WNT9A: variants seen among roughly 807,000 people sequenced by gnomAD.
The protein encoded by WNT9A is protein Wnt-9a.
Under a neutral mutation model 31.4 loss-of-function variants are expected in WNT9A, and 8 were observed. The ratio of observed to expected loss-of-function variants is 0.26; its 90% CI spans 0.15 to 0.46. The LOEUF (loss-of-function observed/expected upper bound fraction) is 0.46. WNT9A is among the 20% of genes least tolerant of loss of function. WNT9A has a pLI of 0.99. For missense variants in WNT9A, 457 were observed against 522.9 expected (o/e 0.87, Z 1.23); for synonymous variants, 236 against 220.1 (o/e 1.07, Z -0.64).
At chr1:227,930,760 C>A (rs989050141) in intron 1 of WNT9A, among the ~76,000 whole-genome samples, 1 of 152,134 alleles carries the variant, frequency 6.6e-6, no homozygotes, top group Non-Finnish European at 1.5e-5. Context: ...GTGGCTCACG[C>A]CTGTAATCCC....
chr1:227,938,395 C>T (rs969480598), intron 1 of WNT9A, among the ~76,000 whole-genome samples: 1 of 149,314 alleles, frequency 6.7e-6, no homozygotes, highest in African/African-American at 2.5e-5. Context: ...CCACACAAAC[C>T]CCCTCACACA....
chr1:227,925,568 G>A lies in WNT9A; in HGVS notation c.96-49C>T, dbSNP rs1239932337. ...AGCCCGGCCCCAGGAAGCCCTGCTGGAGCCTGGCCAGGTGTCTCGGTGGCC... is the reference window on the plus strand; with the variant it reads ...AGCCCGGCCCCAGGAAGCCCTGCTGAAGCCTGGCCAGGTGTCTCGGTGGCC... On this transcript the variant is annotated intron_variant, in intron 1 of 3. Coordinates refer to ENST00000272164, the MANE Select transcript of WNT9A (RefSeq NM_003395.4). The surrounding 1 kb of genome is among the most constrained non-coding windows in gnomAD (Gnocchi z 6.0). 16 of 1,457,968 alleles carry A rather than the reference G, an allele frequency of 1.1e-5. No homozygotes were observed. The highest frequency in any genetic ancestry group is 2.8e-5 in the African/African-American group (2 of 70,486). The allele number at this position is 1,457,968 out of a possible 1,614,324, so 90.3% of individuals were successfully genotyped here.
intron 1 of WNT9A, among the ~76,000 whole-genome samples, chr1:227,945,529 C>T (rs1393870013): frequency 6.6e-6 from 1 of 152,224 alleles, no homozygotes; most frequent in Admixed American, 6.5e-5. Context: ...GCCAGCCTCT[C>T]CTCTCCGGGT....
At chr1:227,931,718 A>G (rs1052477017) in intron 1 of WNT9A, among the ~76,000 whole-genome samples, 1 of 152,206 alleles carries the variant, frequency 6.6e-6, no homozygotes, top group Non-Finnish European at 1.5e-5. Context: ...AAAATAATAC[A>G]TATACTTTAG....
At chr1:227,931,793 C>T (rs1300862794) in intron 1 of WNT9A, among the ~76,000 whole-genome samples, 3 of 152,152 alleles carry the variant, frequency 2.0e-5, no homozygotes, top group Admixed American at 6.5e-5. Flanking sequence ...GTCATCTTTT[C>T]GCTGGGGGAG....
At chr1:227,933,658 A>G (rs1666545763) in intron 1 of WNT9A, among the ~76,000 whole-genome samples, 1 of 152,068 alleles carries the variant, frequency 6.6e-6, no homozygotes, top group African/African-American at 2.4e-5. Context: ...AGGGTTATTA[A>G]TTGGTCTAAT....
chr1:227,936,249 T>C (rs910570263), intron 1 of WNT9A, among the ~76,000 whole-genome samples: 10 of 152,106 alleles, frequency 6.6e-5, no homozygotes, highest in African/African-American at 2.4e-4. Flanking sequence ...AGTGCAGTGG[T>C]GCCATCTCAG....
In WNT9A at chr1:227,921,878, C is replaced by G; in HGVS notation, c.738G>C (p.Lys246Asn). The change falls in exon 4 of 4, where the codon AAG (lysine) becomes AAC (asparagine). Residue 246 changes from lysine to asparagine, a missense_variant. Physicochemically the swap from Lys to Asn is moderately conservative, Grantham distance 94 (BLOSUM62 0). Coordinates refer to ENST00000272164, the MANE Select transcript of WNT9A (RefSeq NM_003395.4). The stretch of plus-strand genomic sequence containing the variant: ...TGCCCACCTTGAGTGCCGTCTCATA[C>G]TTGTGCTTCAGATGCTTGCCCACCT... The part of the protein sequence containing the change: ...FHEVGKHLKH[K>N]YETALKVGST... 6.2e-7 allele frequency: 1 copy of G among 1,613,224 alleles called. No individual in the cohort carries two copies. Among genetic ancestry groups the G allele is most frequent in the Non-Finnish European group, 8.5e-7 (1 of 1,179,948 alleles).
At chr1:227,934,981 G>A (rs979353659) in intron 1 of WNT9A, among the ~76,000 whole-genome samples, 2 of 151,428 alleles carry the variant, frequency 1.3e-5, no homozygotes, top group African/African-American at 4.9e-5. Flanking sequence ...ACCACATAGA[G>A]CCTGAGTCAC....
At position 227,921,671 on chromosome 1, in the gene WNT9A, A is replaced by G. The variant is rs1256730015; in HGVS notation, c.945T>C (p.Arg315=). The change falls in exon 4 of 4, where the codon CGT becomes CGC. Residue 315 remains arginine, a synonymous_variant. Coordinates refer to ENST00000272164, the MANE Select transcript of WNT9A (RefSeq NM_003395.4). The part of the protein sequence containing the change: ...SPGTAGRRCH[R]EKNCESICCG... ...AGCAGATGCTCTCGCAGTTCTTCTC[A>G]CGGTGGCACCTACGGCCAGCGGTGC... is the stretch of plus-strand genomic sequence containing the variant. 3.1e-6 allele frequency: 5 copies of G among 1,613,204 alleles called. No homozygotes were observed. The highest frequency in any genetic ancestry group is 4.2e-6 in the Non-Finnish European group (5 of 1,179,952).
At position 227,928,273 on chromosome 1, in the gene WNT9A, C is replaced by T. The variant is rs1666453100; in HGVS notation, c.96-2754G>A. ...CCTCCCCTCTGGCCCCAGGACACCC[C>T]TCTATCAGAGGCAACTCCCTAAACG... On this transcript the variant is annotated intron_variant, in intron 1 of 3. Coordinates refer to ENST00000272164, the MANE Select transcript of WNT9A (RefSeq NM_003395.4). This position sits in a 1 kb window ranked among gnomAD's most constrained non-coding sequence, Gnocchi z 4.5. Among the ~76,000 whole-genome samples, 2 of 151,880 alleles carry T rather than the reference C, an allele frequency of 1.3e-5. No individual in the cohort carries two copies. The highest frequency in any genetic ancestry group is 4.8e-5 in the African/African-American group (2 of 41,374).
In WNT9A at chr1:227,925,215, C is replaced by G. The variant is rs1359478736; in HGVS notation, c.352+48G>C. 6.8e-7 allele frequency: 1 copy of G among 1,479,922 alleles called. No individual in the cohort carries two copies. The highest frequency in any genetic ancestry group is 1.3e-5 in the South Asian group (1 of 74,494). The allele number at this position is 1,479,922 out of a possible 1,614,324, so 91.7% of individuals were successfully genotyped here. A position where few individuals can be genotyped will look rare whatever the true frequency, so the allele number is the denominator to read the frequency against. ...TCTTGGGATATGGACAAGGCCTGGG[C>G]TGCCACCTGTCTGGGGCCTTCCTGA... On this transcript the variant is annotated intron_variant, in intron 2 of 3. Coordinates refer to ENST00000272164, the MANE Select transcript of WNT9A (RefSeq NM_003395.4). The surrounding 1 kb of genome is among the most constrained non-coding windows in gnomAD (Gnocchi z 6.0).
chr1:227,928,434 C>T lies in WNT9A; in HGVS notation c.96-2915G>A, dbSNP rs367656249. 3.9e-4 allele frequency among the ~76,000 whole-genome samples: 59 copies of T among 152,320 alleles called. 1 individual carries two copies. In the South Asian group the frequency reaches 9.1e-3, roughly 23 times the overall value. ...GGGATGGCCTGAGGCCCAAAGGCTACGCCCTTCCCTGGAGTATTCACTGAA... is the reference window on the plus strand; with the variant it reads ...GGGATGGCCTGAGGCCCAAAGGCTATGCCCTTCCCTGGAGTATTCACTGAA... On this transcript the variant is annotated intron_variant, in intron 1 of 3. Transcript: ENST00000272164. The surrounding 1 kb of genome is among the most constrained non-coding windows in gnomAD (Gnocchi z 4.5).
At position 227,928,130 on chromosome 1, in the gene WNT9A, T is replaced by G. The variant is rs1042090352; in HGVS notation, c.96-2611A>C. Reference sequence around the variant, plus strand: ...GTGAGGCCCGAGCACGCCGGGGCACTGAGAGCTGGTTTGACGGTGACTAGC... The same window carrying G: ...GTGAGGCCCGAGCACGCCGGGGCACGGAGAGCTGGTTTGACGGTGACTAGC... On this transcript the variant is annotated intron_variant, in intron 1 of 3. Coordinates refer to ENST00000272164, the MANE Select transcript of WNT9A (RefSeq NM_003395.4). This position sits in a 1 kb window ranked among gnomAD's most constrained non-coding sequence, Gnocchi z 4.5. Among the ~76,000 whole-genome samples, 1 of 152,034 alleles carries G rather than the reference T, an allele frequency of 6.6e-6. No homozygotes were observed. The highest frequency in any genetic ancestry group is 1.5e-5 in the Non-Finnish European group (1 of 68,000).
Position 227,947,861 on chromosome 1 carries a change from G to A in WNT9A, c.27C>T (p.Arg9=). 9.2e-7 allele frequency: 1 copy of A among 1,085,422 alleles called. No homozygotes were observed. Among genetic ancestry groups the A allele is most frequent in the South Asian group, 4.3e-5 (1 of 23,328 alleles). The allele number at this position is 1,085,422 out of a possible 1,614,324, so 67.2% of individuals were successfully genotyped here. MLDGSPLA[R]WLAAAFGLTL... is the part of the protein sequence containing the mutation. ...TCAGCCCGAAGGCCGCGGCCAGCCA[G>A]CGCGCCAGCGGGGACCCATCCAGCA... is the stretch of plus-strand genomic sequence containing the variant. The change falls in exon 1 of 4, where the codon CGC becomes CGT. Residue 9 remains arginine, a synonymous_variant. Coordinates refer to ENST00000272164, the MANE Select transcript of WNT9A (RefSeq NM_003395.4).
chr1:227,939,259 C>T lies in WNT9A; in HGVS notation c.95+8534G>A, dbSNP rs546594035. Among the ~76,000 whole-genome samples, 121 of 152,344 alleles carry T rather than the reference C, an allele frequency of 7.9e-4. 1 individual carries two copies. Among genetic ancestry groups the T allele is most frequent in the African/African-American group, 1.8e-3 (76 of 41,582 alleles). ...GAGGTGGCTCCAGGGAGCGGTGACC[C>T]GGTCGCCTCCTTGAGCCCTGGAAGC... On this transcript the variant is annotated intron_variant, in intron 1 of 3. Coordinates refer to ENST00000272164, the MANE Select transcript of WNT9A (RefSeq NM_003395.4).
intron 1 of WNT9A, among the ~76,000 whole-genome samples, chr1:227,927,472 G>T (rs543908975): frequency 3.3e-4 from 51 of 152,312 alleles, no homozygotes; most frequent in African/African-American, 1.1e-3. Context: ...GTGCAGGCAG[G>T]TCCCCTCAAA....
At chr1:227,946,328 C>A (rs1039912323) in intron 1 of WNT9A, among the ~76,000 whole-genome samples, 1 of 152,220 alleles carries the variant, frequency 6.6e-6, no homozygotes, top group Non-Finnish European at 1.5e-5. Flanking sequence ...GGGACAAAGC[C>A]GCTGCAGCCT....
chr1:227,921,700 G>T lies in WNT9A; in HGVS notation c.916C>A (p.Pro306Thr). ...TGGCACCTACGGCCAGCGGTGCCCG[G>T]GGAGAAGCGGCCAGCCAGGCAGAAG... is the stretch of plus-strand genomic sequence containing the variant. ...PSFCLAGRFS[P>T]GTAGRRCHRE... is the part of the protein sequence containing the mutation. Residue 306 changes from proline to threonine, a missense_variant, in exon 4 of 4, where the codon CCG becomes ACG. Transcript: ENST00000272164. 1.1e-5 allele frequency: 17 copies of T among 1,612,860 alleles called. No individual in the cohort carries two copies. The highest frequency in any genetic ancestry group is 1.4e-5 in the Non-Finnish European group (16 of 1,179,884).
Sources: gnomAD v4.1 joint callset for allele counts (sites outside exome capture counted in the v4.1 genomes callset) on GRCh38, gnomAD v4.1.1 for gene constraint, Gnocchi (gnomAD v3.1) non-coding constraint, MANE v1.5 for transcripts, NCBI Gene and HGNC (gene_info 2026-07-23, HGNC 2026-07-21) for gene names.